The following RBFOX3 variants were observed in gnomAD, a reference collection of about 807,000 sequenced individuals.
RBFOX3 encodes the protein RNA binding fox-1 homolog 3.
RBFOX3 carries 17 observed loss-of-function variants against 48.7 expected under a neutral mutation model. The observed-to-expected ratio is 0.35, with a 90% confidence interval of 0.24 to 0.52. The LOEUF (loss-of-function observed/expected upper bound fraction) is 0.52. RBFOX3 is among the 20% of genes least tolerant of loss of function. The probability of loss-of-function intolerance (pLI) is 0.94; values close to 1 mark genes in which losing one functional copy is unlikely to be tolerated. For synonymous variants in RBFOX3, 212 were observed against 209.5 expected (o/e 1.01, Z -0.10); for missense variants, 382 against 497.5 (o/e 0.77, Z 2.21).
At chr17:79,385,941 G>A (rs1319017865) in intron 2 of RBFOX3, among the ~76,000 whole-genome samples, 1 of 146,038 alleles carries the variant, frequency 6.8e-6, no homozygotes, top group African/African-American at 2.6e-5. Flanking sequence ...CTCCATTGCG[G>A]ACAGGAGCTC....
At chr17:79,331,207 C>A (rs1220410129) in intron 2 of RBFOX3, among the ~76,000 whole-genome samples, 2 of 152,182 alleles carry the variant, frequency 1.3e-5, no homozygotes, top group Non-Finnish European at 2.9e-5. Flanking sequence ...GACTTCAAGC[C>A]CTGCTGTCCC....
intron 4 of RBFOX3, among the ~76,000 whole-genome samples, chr17:79,140,993 C>T (rs945804807): frequency 2.9e-4 from 44 of 152,152 alleles, no homozygotes; most frequent in Non-Finnish European, 5.7e-4. Context: ...CGGGTGGCTT[C>T]GCAGGGATGG....
intron 4 of RBFOX3, among the ~76,000 whole-genome samples, chr17:79,206,583 C>T (rs1176297188): frequency 1.3e-5 from 2 of 152,150 alleles, no homozygotes; most frequent in Non-Finnish European, 2.9e-5. Flanking sequence ...CTCCTCTAAG[C>T]CCTGCTTTTC....
At chr17:79,616,844 G>A in the RBFOX3 span, among the ~76,000 whole-genome samples, 1 of 152,182 alleles carries the variant, frequency 6.6e-6, no homozygotes. Context: ...GGCTCTCAGG[G>A]GTTGTGCACC....
chr17:79,430,934 T>C (rs1555728086), intron 2 of RBFOX3, among the ~76,000 whole-genome samples: 4 of 152,350 alleles, frequency 2.6e-5, no homozygotes, highest in East Asian at 1.9e-4. Flanking sequence ...CAGAGCCCCA[T>C]GTTCAGTTTG....
intron 2 of RBFOX3, among the ~76,000 whole-genome samples, chr17:79,393,892 G>A (rs980179409): frequency 5.0e-5 from 7 of 138,938 alleles, no homozygotes; most frequent in South Asian, 2.3e-4. Flanking sequence ...GCCATTCATC[G>A]CACACATCAG....
chr17:79,233,932 A>C (rs917452835), intron 4 of RBFOX3: 1 of 152,248 alleles, frequency 6.6e-6, no homozygotes, highest in Non-Finnish European at 1.5e-5. Flanking sequence ...TTATTCTACA[A>C]GTGACTCACC....
the RBFOX3 span, among the ~76,000 whole-genome samples, chr17:79,647,102 ATGAG>A: frequency 1.3e-5 from 2 of 151,308 alleles, no homozygotes; most frequent in Admixed American, 6.6e-5. Flanking sequence ...TTGCACTAGA[ATGAG>A]TGAGAGGACT....
At chr17:79,523,398 T>A (rs2086377163) in intron 1 of RBFOX3, among the ~76,000 whole-genome samples, 1 of 152,192 alleles carries the variant, frequency 6.6e-6, no homozygotes, top group Non-Finnish European at 1.5e-5. Flanking sequence ...CAAACCCCAC[T>A]GTGTTTCAAG....
At chr17:79,102,581 G>A (rs1053685885) in intron 8 of RBFOX3, among the ~76,000 whole-genome samples, 4 of 152,234 alleles carry the variant, frequency 2.6e-5, no homozygotes, top group African/African-American at 9.6e-5. Context: ...AGCAGGGAAG[G>A]AGGGGACAGA....
At chr17:79,127,824 A>G (rs1323089187) in intron 4 of RBFOX3, among the ~76,000 whole-genome samples, 2 of 152,204 alleles carry the variant, frequency 1.3e-5, no homozygotes, top group African/African-American at 4.8e-5. Flanking sequence ...CCCCGATCCC[A>G]GGAGGTTCAA....
chr17:79,306,420 T>C (rs1198016243), intron 3 of RBFOX3, among the ~76,000 whole-genome samples: 3 of 152,242 alleles, frequency 2.0e-5, no homozygotes, highest in South Asian at 2.1e-4. Flanking sequence ...AAGGAATCAG[T>C]GCAACGGAGC....
chr17:79,094,883 A>G (rs988768034), intron 13 of RBFOX3, among the ~76,000 whole-genome samples: 3 of 152,054 alleles, frequency 2.0e-5, no homozygotes, highest in African/African-American at 4.8e-5. Context: ...AATGTGGTAA[A>G]TACTGGGGAG....
At chr17:79,157,471 CT>C (rs1481044164) in intron 4 of RBFOX3, among the ~76,000 whole-genome samples, 1 of 152,264 alleles carries the variant, frequency 6.6e-6, no homozygotes, top group Admixed American at 6.5e-5. Flanking sequence ...TGGCTTCCCC[CT>C]GGGTCACCAA....
At chr17:79,371,588 A>G (rs1568128737) in intron 2 of RBFOX3, among the ~76,000 whole-genome samples, 1 of 152,180 alleles carries the variant, frequency 6.6e-6, no homozygotes. Flanking sequence ...CAGAGTGTCC[A>G]GCAGTCCCTA....
chr17:79,614,437 C>T (rs1418030404), upstream of RBFOX3, among the ~76,000 whole-genome samples: 1 of 151,442 alleles, frequency 6.6e-6, no homozygotes, highest in Non-Finnish European at 1.5e-5. Context: ...CTTCCAAGCA[C>T]AGGCCCCACT....
intron 1 of RBFOX3, among the ~76,000 whole-genome samples, chr17:79,547,478 A>G (rs1389343705): frequency 6.6e-6 from 1 of 152,006 alleles, no homozygotes; most frequent in Non-Finnish European, 1.5e-5. Context: ...AAACAAAAAA[A>G]CTGTTGCTTG....
Position 79,570,638 on chromosome 17 carries a change from C to A in RBFOX3, c.-320+40188G>T, listed in dbSNP as rs1025627955. ...GTGTTGGCTGCCACTAGCTCTCAAG[C>A]CCTCCTGTCCCTTAGGGTCACCTGG... On this transcript the variant is annotated intron_variant, in intron 1 of 14. Transcript: ENST00000693108. 7.9e-3 allele frequency among the ~76,000 whole-genome samples: 1,206 copies of A among 152,334 alleles called. 18 individuals are homozygous for A. The highest frequency in any genetic ancestry group is 0.028 in the African/African-American group (1,148 of 41,568).
the RBFOX3 span, among the ~76,000 whole-genome samples, chr17:79,626,526 C>T: frequency 6.6e-6 from 1 of 152,238 alleles, no homozygotes; most frequent in African/African-American, 2.4e-5. Flanking sequence ...CTCACGGCCC[C>T]ATCTGCATTC....
Sources: gnomAD v4.1 joint callset for allele counts (sites outside exome capture counted in the v4.1 genomes callset) on GRCh38, gnomAD v4.1.1 for gene constraint, MANE v1.5 for transcripts, NCBI Gene and HGNC (gene_info 2026-07-23, HGNC 2026-07-21) for gene names.